Variants in NXPH1 observed in about 807,000 individuals in gnomAD.
NXPH1 encodes the protein neurexophilin 1.
A neutral mutation model predicts 23.7 loss-of-function variants in NXPH1; 5 were observed. The ratio of observed to expected loss-of-function variants is 0.21; its 90% CI spans 0.11 to 0.44. NXPH1 has a LOEUF of 0.44. NXPH1 is among the 20% of genes least tolerant of loss of function. The probability of loss-of-function intolerance (pLI) is 0.99; values close to 1 mark genes in which losing one functional copy is unlikely to be tolerated. For missense variants in NXPH1, 324 were observed against 321.6 expected (o/e 1.01, Z -0.06); for synonymous variants, 144 against 122.2 (o/e 1.18, Z -1.18).
chr7:8,741,009 A>C (rs1780351667), intron 2 of NXPH1, among the ~76,000 whole-genome samples: 3 of 152,222 alleles, frequency 2.0e-5, no homozygotes, highest in Non-Finnish European at 4.4e-5. Context: ...CTTATTCATC[A>C]CATAATCAAA....
intron 2 of NXPH1, among the ~76,000 whole-genome samples, chr7:8,497,517 G>A (rs1232938261): frequency 6.6e-6 from 1 of 152,110 alleles, no homozygotes; most frequent in Non-Finnish European, 1.5e-5. Flanking sequence ...ATCCTTTCCA[G>A]CACCTGTTGT....
chr7:8,592,501 T>C (rs930362060), intron 2 of NXPH1, among the ~76,000 whole-genome samples: 3 of 152,056 alleles, frequency 2.0e-5, no homozygotes, highest in African/African-American at 7.2e-5. Flanking sequence ...GTTTAAATTA[T>C]AGCTTCTTAC....
intron 2 of NXPH1, among the ~76,000 whole-genome samples, chr7:8,488,501 C>A (rs563324629): frequency 2.0e-5 from 3 of 152,210 alleles, no homozygotes; most frequent in African/African-American, 7.2e-5. Context: ...AAACCCAGGC[C>A]TCATCTCCCT....
chr7:8,606,190 A>G (rs557491249), intron 2 of NXPH1, among the ~76,000 whole-genome samples: 2 of 152,232 alleles, frequency 1.3e-5, no homozygotes, highest in East Asian at 1.9e-4. Context: ...AATTTCCTTT[A>G]TTACATTTAG....
intron 2 of NXPH1, among the ~76,000 whole-genome samples, chr7:8,678,645 C>T (rs1820993267): frequency 6.6e-6 from 1 of 152,130 alleles, no homozygotes; most frequent in Non-Finnish European, 1.5e-5. Context: ...AGCCAAGTCA[C>T]AGGCTCCTAC....
intron 2 of NXPH1, among the ~76,000 whole-genome samples, chr7:8,583,651 C>G (rs1432923796): frequency 1.3e-5 from 2 of 152,168 alleles, no homozygotes; most frequent in Non-Finnish European, 2.9e-5. Context: ...ATGACATACT[C>G]TGCTTTTCTG....
intron 2 of NXPH1, among the ~76,000 whole-genome samples, chr7:8,600,566 G>C (rs959562772): frequency 1.2e-4 from 18 of 152,186 alleles, no homozygotes; most frequent in African/African-American, 4.3e-4. Context: ...TCTAGGCTCT[G>C]TCTAGGACAG....
intron 2 of NXPH1, among the ~76,000 whole-genome samples, chr7:8,439,556 T>A (rs1477631296): frequency 6.6e-6 from 1 of 152,204 alleles, no homozygotes; most frequent in Admixed American, 6.5e-5. Flanking sequence ...GTCCCACCAT[T>A]TCTGCTAGGA....
chr7:8,609,235 A>T (rs1174778774), intron 2 of NXPH1, among the ~76,000 whole-genome samples: 1 of 152,202 alleles, frequency 6.6e-6, no homozygotes, highest in Non-Finnish European at 1.5e-5. Flanking sequence ...TAGAAGCTCA[A>T]TACATGTAAG....
chr7:8,742,174 G>A (rs1562471899), intron 2 of NXPH1, among the ~76,000 whole-genome samples: 1 of 152,114 alleles, frequency 6.6e-6, no homozygotes, highest in South Asian at 2.1e-4. Context: ...ATCCATGTAA[G>A]TCTATGGCCA....
chr7:8,436,763 C>A lies in NXPH1; in HGVS notation c.54+996C>A, dbSNP rs183072950. ...CTATGTTCTGTCTAGGGGTGAGGTG[C>A]GCTAAAGCAGCCCGAACTCTCTGAT... On this transcript the variant is annotated intron_variant, in intron 2 of 2. Coordinates refer to ENST00000405863, the MANE Select transcript of NXPH1 (RefSeq NM_152745.3). Among the ~76,000 whole-genome samples, 3 of 152,254 alleles carry A rather than the reference C, an allele frequency of 2.0e-5. No individual in the cohort carries two copies. In the East Asian group the frequency reaches 5.8e-4, roughly 29 times the overall value.
chr7:8,438,684 C>G (rs1049044249), intron 2 of NXPH1, among the ~76,000 whole-genome samples: 3 of 152,250 alleles, frequency 2.0e-5, no homozygotes, highest in African/African-American at 7.2e-5. Flanking sequence ...CTTAAATACC[C>G]CCAAATTTGA....
chr7:8,749,014 A>G (rs1780520082), intron 2 of NXPH1, among the ~76,000 whole-genome samples: 1 of 152,168 alleles, frequency 6.6e-6, no homozygotes, highest in African/African-American at 2.4e-5. Context: ...TGAGATGACG[A>G]AGGTTCTCTG....
intron 2 of NXPH1, among the ~76,000 whole-genome samples, chr7:8,456,633 T>C (rs987517564): frequency 1.3e-5 from 2 of 152,202 alleles, no homozygotes; most frequent in Non-Finnish European, 2.9e-5. Flanking sequence ...CGTAACTTTT[T>C]TTTTGTCTAT....
intron 2 of NXPH1, among the ~76,000 whole-genome samples, chr7:8,561,814 C>T (rs1818450495): frequency 6.6e-6 from 1 of 151,216 alleles, no homozygotes; most frequent in African/African-American, 2.4e-5. Context: ...AGAGTGGTGC[C>T]AAAAGAATAA....
At chr7:8,549,842 A>C (rs1383063229) in intron 2 of NXPH1, among the ~76,000 whole-genome samples, 1 of 151,510 alleles carries the variant, frequency 6.6e-6, no homozygotes, top group Non-Finnish European at 1.5e-5. Flanking sequence ...AGCTGGATTC[A>C]CACCCTGGAA....
intron 2 of NXPH1, among the ~76,000 whole-genome samples, chr7:8,537,933 C>T (rs923731702): frequency 6.6e-6 from 1 of 151,972 alleles, no homozygotes; most frequent in African/African-American, 2.4e-5. Flanking sequence ...TCAACTCACT[C>T]GTGTGAAAGG....
intron 2 of NXPH1, among the ~76,000 whole-genome samples, chr7:8,532,839 T>C (rs751286666): frequency 6.6e-5 from 10 of 152,128 alleles, no homozygotes; most frequent in Non-Finnish European, 1.3e-4. Flanking sequence ...AGCTTATGCA[T>C]GGTAATGTGC....
intron 2 of NXPH1, among the ~76,000 whole-genome samples, chr7:8,634,260 C>A (rs1472292680): frequency 6.6e-6 from 1 of 152,040 alleles, no homozygotes; most frequent in Non-Finnish European, 1.5e-5. Flanking sequence ...CTCATGAGAA[C>A]TGATGGTTTC....
Sources: allele counts gnomAD v4.1 joint callset (sites outside exome capture counted in the v4.1 genomes callset), GRCh38; gene constraint gnomAD v4.1.1; transcripts MANE v1.5; gene names NCBI Gene and HGNC (gene_info 2026-07-23, HGNC 2026-07-21).